PTGER3: variants seen among roughly 807,000 people sequenced by gnomAD.
The protein encoded by PTGER3 is prostaglandin E2 receptor EP3 subtype.
PTGER3 carries 22 observed loss-of-function variants against 34.7 expected under a neutral mutation model. The observed-to-expected ratio is 0.63, with a 90% CI of 0.45 to 0.91. The LOEUF is 0.91. Among genes scored for constraint, PTGER3 ranks in the 40% least tolerant of loss-of-function variants. The probability of loss-of-function intolerance (pLI) is 0.00; values close to 1 mark genes in which losing one functional copy is unlikely to be tolerated. For missense variants in PTGER3, 468 were observed against 519.4 expected (o/e 0.90, Z 0.96); for synonymous variants, 241 against 230.1 (o/e 1.05, Z -0.43).
intron 2 of PTGER3, among the ~76,000 whole-genome samples, chr1:70,960,304 G>A (rs1436793092): frequency 6.6e-6 from 1 of 152,108 alleles, no homozygotes; most frequent in Non-Finnish European, 1.5e-5. Context: ...CCAGAAAATT[G>A]TCTCATTAGC....
intron 2 of PTGER3, among the ~76,000 whole-genome samples, chr1:70,976,203 T>A (rs751115829): frequency 6.6e-6 from 1 of 152,140 alleles, no homozygotes; most frequent in Non-Finnish European, 1.5e-5. Context: ...CTAGTGGCAC[T>A]GTCTGTGGAG....
At chr1:70,886,371 G>A (rs1027749269) in intron 4 of PTGER3, 2 of 432,598 alleles carry the variant, frequency 4.6e-6, no homozygotes, top group South Asian at 3.4e-5. Flanking sequence ...CCTAGTCTGT[G>A]GTATCTTGTT....
At chr1:70,884,121 C>A in intron 4 of PTGER3, 1 of 367,186 alleles carries the variant, frequency 2.7e-6, no homozygotes, top group Non-Finnish European at 5.3e-6. Flanking sequence ...GATCAGAACA[C>A]AATTATATCA....
At chr1:71,000,767 C>T (rs1424121973) in intron 2 of PTGER3, among the ~76,000 whole-genome samples, 1 of 151,936 alleles carries the variant, frequency 6.6e-6, no homozygotes, top group Non-Finnish European at 1.5e-5. Context: ...TTGATGAGTT[C>T]GTAACTCTAG....
intron 2 of PTGER3, among the ~76,000 whole-genome samples, chr1:70,985,804 C>T (rs1341629781): frequency 3.3e-5 from 5 of 152,146 alleles, no homozygotes; most frequent in Non-Finnish European, 4.4e-5. Flanking sequence ...CTTTTAATGA[C>T]GGTCTCAGGC....
At chr1:70,972,194 G>C (rs1424701979) in intron 3 of PTGER3, among the ~76,000 whole-genome samples, 1 of 152,004 alleles carries the variant, frequency 6.6e-6, no homozygotes, top group Non-Finnish European at 1.5e-5. Flanking sequence ...GTGGTGGTGT[G>C]CACCTGTAGT....
intron 2 of PTGER3, chr1:71,009,122 T>C (rs1017133517): frequency 2.0e-6 from 2 of 985,028 alleles, no homozygotes; most frequent in African/African-American, 3.5e-5. Context: ...AAGCGTTGAA[T>C]AAATAAAAAG....
chr1:71,027,005 C>T (rs1658983599), intron 1 of PTGER3, among the ~76,000 whole-genome samples: 1 of 152,160 alleles, frequency 6.6e-6, no homozygotes, highest in Admixed American at 6.5e-5. Flanking sequence ...CATTGACTCC[C>T]TCTCTCCTTA....
At chr1:71,039,530 G>T (rs904086950) in intron 1 of PTGER3, among the ~76,000 whole-genome samples, 1 of 151,020 alleles carries the variant, frequency 6.6e-6, no homozygotes, top group African/African-American at 2.4e-5. Context: ...GGCGCCTGTA[G>T]TCCCAGCTAC....
intron 4 of PTGER3, among the ~76,000 whole-genome samples, chr1:70,923,265 A>G (rs1007748050): frequency 2.6e-5 from 4 of 151,686 alleles, no homozygotes; most frequent in Non-Finnish European, 4.4e-5. Flanking sequence ...TTCCAAAATT[A>G]TGGGAAACTC....
chr1:70,940,345 TCTG>T (rs1178745601), intron 4 of PTGER3, among the ~76,000 whole-genome samples: 2 of 152,212 alleles, frequency 1.3e-5, no homozygotes, highest in Admixed American at 1.3e-4. Context: ...TCTGACTTCT[TCTG>T]AGTCCTCCAA....
At chr1:70,857,793 C>A (rs1015038698) in intron 4 of PTGER3, among the ~76,000 whole-genome samples, 7 of 152,120 alleles carry the variant, frequency 4.6e-5, no homozygotes, top group East Asian at 3.9e-4. Context: ...CTCAGCCTCC[C>A]AGAGGAAAAT....
chr1:71,008,505 A>G, intron 2 of PTGER3: 1 of 927,706 alleles, frequency 1.1e-6, no homozygotes, highest in Non-Finnish European at 1.3e-6. Context: ...CCACCTAGTT[A>G]GTTTCCTTAC....
chr1:70,988,058 G>A (rs940781824), intron 2 of PTGER3, among the ~76,000 whole-genome samples: 11 of 152,096 alleles, frequency 7.2e-5, no homozygotes, highest in Non-Finnish European at 1.3e-4. Context: ...AAATAAAAAT[G>A]ACTAAAGCCC....
chr1:70,918,309 G>A (rs1292421258), intron 4 of PTGER3, among the ~76,000 whole-genome samples: 11 of 151,898 alleles, frequency 7.2e-5, no homozygotes, highest in Admixed American at 7.2e-4. Flanking sequence ...GAAGAAAACA[G>A]GAGAAATGCT....
At chr1:70,857,577 C>T (rs1032035030) in intron 4 of PTGER3, among the ~76,000 whole-genome samples, 2 of 151,960 alleles carry the variant, frequency 1.3e-5, no homozygotes, top group Non-Finnish European at 2.9e-5. Context: ...ACTCTGTCGC[C>T]CAGGCTGGAG....
intron 4 of PTGER3, among the ~76,000 whole-genome samples, chr1:70,928,161 AT>A (rs1275383304): frequency 6.9e-6 from 1 of 145,878 alleles, no homozygotes; most frequent in Non-Finnish European, 1.5e-5. Context: ...AGACATATAT[AT>A]TTTTATAGAC....
intron 2 of PTGER3, among the ~76,000 whole-genome samples, chr1:71,005,017 C>T (rs2100828637): frequency 6.6e-6 from 1 of 152,294 alleles, no homozygotes; most frequent in African/African-American, 2.4e-5. Flanking sequence ...AGGAGTGGTT[C>T]CAACTGAGGG....
chr1:71,044,736 G>T (rs2050065), intron 1 of PTGER3, among the ~76,000 whole-genome samples: 113,321 of 151,984 alleles, frequency 0.75, 43,492 homozygotes, highest in East Asian at 0.96. Context: ...ACATGGCTTC[G>T]CTTTGACTTA....
Sources: gnomAD v4.1 joint callset for allele counts (sites outside exome capture counted in the v4.1 genomes callset) on GRCh38, gnomAD v4.1.1 for gene constraint, MANE v1.5 for transcripts, NCBI Gene and HGNC (gene_info 2026-07-23, HGNC 2026-07-21) for gene names.